Variants in THSD7A observed in about 807,000 individuals in gnomAD.
THSD7A encodes thrombospondin type 1 domain containing 7A.
THSD7A carries 96 observed loss-of-function variants against 231.3 expected under a neutral mutation model. The ratio of observed to expected loss-of-function variants is 0.41; its 90% CI spans 0.35 to 0.49. The LOEUF is 0.49. Among genes scored for constraint, THSD7A ranks in the 20% least tolerant of loss-of-function variants. The probability of loss-of-function intolerance (pLI) is 0.05; values close to 1 mark genes in which losing one functional copy is unlikely to be tolerated. For missense variants in THSD7A, 2,290 were observed against 2,070.2 expected (o/e 1.11, Z -2.06); for synonymous variants, 940 against 743.3 (o/e 1.26, Z -4.30).
intron 2 of THSD7A, among the ~76,000 whole-genome samples, chr7:11,616,258 G>C (rs1246533284): frequency 6.6e-6 from 1 of 151,934 alleles, no homozygotes; most frequent in Non-Finnish European, 1.5e-5. Flanking sequence ...AGTTGTTATG[G>C]TTCTCAATCT....
intron 1 of THSD7A, among the ~76,000 whole-genome samples, chr7:11,727,359 C>T (rs1162189635): frequency 6.6e-6 from 1 of 151,854 alleles, no homozygotes; most frequent in Non-Finnish European, 1.5e-5. Flanking sequence ...AACAGCAATC[C>T]CCCTTCTTGA....
At chr7:11,682,883 A>C (rs1251512272) in intron 1 of THSD7A, among the ~76,000 whole-genome samples, 1 of 151,960 alleles carries the variant, frequency 6.6e-6, no homozygotes, top group Non-Finnish European at 1.5e-5. Context: ...AATAAAAAAA[A>C]AATCACCGAG....
At chr7:11,674,564 C>G (rs574413018) in intron 1 of THSD7A, among the ~76,000 whole-genome samples, 1 of 152,276 alleles carries the variant, frequency 6.6e-6, no homozygotes, top group Non-Finnish European at 1.5e-5. Flanking sequence ...AGGAGCCCAT[C>G]TGCAACAAAG....
Position 11,376,573 on chromosome 7 carries a change from G to C in THSD7A, c.4886C>G (p.Ala1629Gly). 6.3e-7 allele frequency: 1 copy of C among 1,574,870 alleles called. No individual in the cohort carries two copies. Among genetic ancestry groups the C allele is most frequent in the Non-Finnish European group, 8.6e-7 (1 of 1,158,980 alleles). Residue 1629 changes from alanine to glycine, a missense_variant, in exon 27 of 28, where the codon GCT (alanine) becomes GGT (glycine). Ala to Gly is a moderately conservative substitution (Grantham distance 60). Coordinates refer to ENST00000423059, the MANE Select transcript of THSD7A (RefSeq NM_015204.3). ...LIFIVSMIYL[A>G]CKKPKKPQRR... ...TTTTAATTATTTAAACACTCACCAA[G>C]CTAGATAAATCATGGAGACAATAAA...
intron 4 of THSD7A, among the ~76,000 whole-genome samples, chr7:11,552,361 T>TA (rs1189030846): frequency 2.0e-5 from 3 of 151,944 alleles, no homozygotes; most frequent in South Asian, 4.2e-4. Context: ...TTTAAACAAG[T>TA]AAAAAAAGGA....
Position 11,371,213 on chromosome 7 carries a change from A to G in THSD7A, c.*4581T>C, listed in dbSNP as rs1782039995. On this transcript the variant is annotated 3_prime_UTR_variant, in exon 28 of 28. Coordinates refer to ENST00000423059, the MANE Select transcript of THSD7A (RefSeq NM_015204.3). ...AACCATTTTTCATTGTCCCTGCTAG[A>G]TATAAAATTATTATAACACACTGCA... 6.6e-6 allele frequency: 1 copy of G among 152,204 alleles called. No individual in the cohort carries two copies. Among genetic ancestry groups the G allele is most frequent in the African/African-American group, 2.4e-5 (1 of 41,444 alleles). The allele number at this position is 152,204 out of a possible 1,614,324, so 9.4% of individuals were successfully genotyped here. A position where few individuals can be genotyped will look rare whatever the true frequency, so the allele number is the denominator to read the frequency against.
chr7:11,820,349 CTTCTCTG>C (rs1784836394), intron 1 of THSD7A: 2 of 1,052,674 alleles, frequency 1.9e-6, no homozygotes, highest in South Asian at 4.8e-5. Flanking sequence ...TTGTCCTTCT[CTTCTCTG>C]TTCTCTGTCC....
At chr7:11,615,074 T>C (rs1781059872) in intron 2 of THSD7A, among the ~76,000 whole-genome samples, 1 of 152,338 alleles carries the variant, frequency 6.6e-6, no homozygotes, top group East Asian at 1.9e-4. Flanking sequence ...CCTTGGAGCA[T>C]GTCTTCTTAT....
rs145103334 is a variant in THSD7A at position 11,396,686 on chromosome 7, C to T, written c.4411+5109G>A. On this transcript the variant is annotated intron_variant, in intron 23 of 27. Coordinates refer to ENST00000423059, the MANE Select transcript of THSD7A (RefSeq NM_015204.3). ...CCAGGAACAGACAGATCCACAGCCA[C>T]ATTCTACCAGAGGTACAAAGAGGAG... Among the ~76,000 whole-genome samples the T allele has an allele frequency of 2.4e-3, 372 of 152,294 alleles. 2 individuals are homozygous for T. The highest frequency in any genetic ancestry group is 8.5e-3 in the African/African-American group (355 of 41,572).
At chr7:11,431,581 T>C (rs1193542084) in intron 13 of THSD7A, among the ~76,000 whole-genome samples, 1 of 152,210 alleles carries the variant, frequency 6.6e-6, no homozygotes, top group African/African-American at 2.4e-5. Context: ...TACCACATAG[T>C]CTTGACTACT....
Position 11,406,866 on chromosome 7 carries a change from C to T in THSD7A, c.4062+44G>A, listed in dbSNP as rs375542664. On this transcript the variant is annotated intron_variant, in intron 21 of 27. Transcript: ENST00000423059. The surrounding 1 kb of genome is among the most constrained non-coding windows in gnomAD (Gnocchi z 4.7). ...TGTTTTTCTGCAGATGAAGTCTCTG[C>T]AGATAGAGTACACACTTCCTGACAA... 6.2e-7 allele frequency: 1 copy of T among 1,604,678 alleles called. No homozygotes were observed. The highest frequency in any genetic ancestry group is 8.5e-7 in the Non-Finnish European group (1 of 1,174,266).
intron 25 of THSD7A, 53 bp from the exon 26 acceptor site, chr7:11,379,333 C>T: frequency 1.3e-6 from 2 of 1,564,498 alleles, no homozygotes; most frequent in South Asian, 2.2e-5. Context: ...CTTTGGAAGT[C>T]TAACAGACCT....
intron 6 of THSD7A, among the ~76,000 whole-genome samples, chr7:11,527,873 G>C (rs1448683075): frequency 6.6e-6 from 1 of 152,088 alleles, no homozygotes; most frequent in South Asian, 2.1e-4. Flanking sequence ...ATAGCTTCAG[G>C]CTCGGCATGG....
chr7:11,565,699 G>A (rs370285487), intron 4 of THSD7A, among the ~76,000 whole-genome samples: 2 of 152,136 alleles, frequency 1.3e-5, no homozygotes, highest in Admixed American at 6.5e-5. Context: ...TCATCACATC[G>A]TTTCCTCTTG....
intron 11 of THSD7A, among the ~76,000 whole-genome samples, chr7:11,449,878 G>A (rs1157155429): frequency 6.6e-6 from 1 of 151,988 alleles, no homozygotes; most frequent in Non-Finnish European, 1.5e-5. Flanking sequence ...GGACATGCAA[G>A]AGCCTCAAGA....
chr7:11,601,859 A>C (rs1780565042), intron 2 of THSD7A, among the ~76,000 whole-genome samples: 1 of 152,200 alleles, frequency 6.6e-6, no homozygotes, highest in African/African-American at 2.4e-5. Flanking sequence ...CATTCCATAG[A>C]ATAGCAGCCT....
chr7:11,803,351 A>C (rs1007416957), intron 1 of THSD7A, among the ~76,000 whole-genome samples: 1 of 152,212 alleles, frequency 6.6e-6, no homozygotes, highest in Non-Finnish European at 1.5e-5. Flanking sequence ...GTATCAAGTA[A>C]TAGACCCAAA....
intron 14 of THSD7A, among the ~76,000 whole-genome samples, chr7:11,428,276 G>A (rs1353180315): frequency 2.6e-5 from 4 of 152,076 alleles, no homozygotes; most frequent in African/African-American, 7.2e-5. Context: ...GTCTGATTAT[G>A]TTACATTCCA....
intron 4 of THSD7A, among the ~76,000 whole-genome samples, chr7:11,548,740 C>T (rs1789500642): frequency 6.6e-6 from 1 of 151,836 alleles, no homozygotes; most frequent in Non-Finnish European, 1.5e-5. Flanking sequence ...ATATAAACAA[C>T]TAAAAACAAA....
Sources: allele counts gnomAD v4.1 joint callset (sites outside exome capture counted in the v4.1 genomes callset), GRCh38; gene constraint gnomAD v4.1.1; non-coding constraint Gnocchi (gnomAD v3.1); transcripts MANE v1.5; gene names NCBI Gene and HGNC (gene_info 2026-07-23, HGNC 2026-07-21).